LUZP1: variants seen among roughly 807,000 people sequenced by gnomAD.
LUZP1 encodes the protein filamin mechanobinding actin cross-linking protein.
Under a neutral mutation model 71.3 loss-of-function variants are expected in LUZP1, and 25 were observed. That is an observed-to-expected ratio of 0.35 (90% CI 0.26 to 0.49). The LOEUF is 0.49. Among genes scored for constraint, LUZP1 ranks in the 20% least tolerant of loss-of-function variants. LUZP1 has a pLI of 0.99. For missense variants in LUZP1, 1,142 were observed against 1,300.8 expected (o/e 0.88, Z 1.88); for synonymous variants, 481 against 506.4 (o/e 0.95, Z 0.67).
chr1:23,088,802 G>A, exon 5 of LUZP1: 1 of 1,500,942 alleles, frequency 6.7e-7, no homozygotes, highest in Non-Finnish European at 9.0e-7. Context: ...CTTGTGTCTT[G>A]CCTGGTTAAC....
At chr1:23,145,530 C>T (rs147992197) in intron 2 of LUZP1, among the ~76,000 whole-genome samples, 43 of 146,228 alleles carry the variant, frequency 2.9e-4, no homozygotes, top group Non-Finnish European at 5.8e-4. Flanking sequence ...AGTGCAATGG[C>T]GCAATCTCAG....
chr1:23,139,021 T>A (rs12755305), intron 2 of LUZP1, among the ~76,000 whole-genome samples: 8,254 of 52,078 alleles, frequency 0.16, 398 homozygotes, highest in Non-Finnish European at 0.19. Context: ...AAAAAAAAAA[T>A]ATATATATAT....
intron 2 of LUZP1, among the ~76,000 whole-genome samples, chr1:23,150,205 G>C (rs751033142): frequency 1.4e-4 from 22 of 151,976 alleles, no homozygotes; most frequent in Non-Finnish European, 2.9e-4. Context: ...TGTGGATCCT[G>C]GAAGTCATCA....
chr1:23,086,458 T>C (rs182031165), exon 5 of LUZP1: 1 of 152,632 alleles, frequency 6.6e-6, no homozygotes, highest in Non-Finnish European at 1.5e-5. Flanking sequence ...GCAGCAGATG[T>C]TGGTGCTGCT....
intron 1 of LUZP1, among the ~76,000 whole-genome samples, chr1:23,173,350 C>CTTTTTT (rs869169060): frequency 8.7e-5 from 7 of 80,368 alleles, no homozygotes; most frequent in Admixed American, 2.8e-4. Flanking sequence ...TTTGTTTTTT[C>CTTTTTT]TTTTTTTTTT....
At chr1:23,146,265 C>T (rs1644342203) in intron 2 of LUZP1, among the ~76,000 whole-genome samples, 1 of 152,192 alleles carries the variant, frequency 6.6e-6, no homozygotes, top group Admixed American at 6.5e-5. Context: ...ATCTGCCTGC[C>T]TCAGACACCC....
intron 2 of LUZP1, among the ~76,000 whole-genome samples, chr1:23,146,570 G>A (rs535925798): frequency 6.6e-6 from 1 of 152,236 alleles, no homozygotes; most frequent in South Asian, 2.1e-4. Context: ...GGCCAAGGTG[G>A]GAGGATCACT....
intron 2 of LUZP1, among the ~76,000 whole-genome samples, chr1:23,118,576 A>T (rs1279658526): frequency 1.3e-5 from 2 of 152,170 alleles, no homozygotes; most frequent in African/African-American, 4.8e-5. Context: ...AAACAGAAGA[A>T]TGTATGTGAA....
intron 1 of LUZP1, among the ~76,000 whole-genome samples, chr1:23,172,637 C>G (rs1159719068): frequency 1.3e-5 from 2 of 151,598 alleles, no homozygotes; most frequent in African/African-American, 2.4e-5. Flanking sequence ...GCTTCAGCCT[C>G]CCGAGTAGCC....
intron 2 of LUZP1, among the ~76,000 whole-genome samples, chr1:23,117,805 C>A (rs1444710418): frequency 6.6e-6 from 1 of 152,038 alleles, no homozygotes; most frequent in African/African-American, 2.4e-5. Flanking sequence ...TAAAAACAAA[C>A]AGGAGGCTGG....
At chr1:23,141,383 G>A (rs1004461000) in intron 2 of LUZP1, among the ~76,000 whole-genome samples, 1 of 152,174 alleles carries the variant, frequency 6.6e-6, no homozygotes, top group African/African-American at 2.4e-5. Flanking sequence ...CATGTTCAAG[G>A]GACCCAAGAA....
intron 2 of LUZP1, among the ~76,000 whole-genome samples, chr1:23,123,151 C>T (rs1644143333): frequency 6.6e-6 from 1 of 152,058 alleles, no homozygotes; most frequent in Non-Finnish European, 1.5e-5. Flanking sequence ...AGCCATCAAG[C>T]GTGTTCTAGA....
exon 4 of LUZP1, chr1:23,092,890 C>T (rs477830): frequency 0.8 from 1,292,760 of 1,612,884 alleles, 524,619 homozygotes; most frequent in Non-Finnish European, 0.84. Context: ...TGGGAGGAGC[C>T]GGGTACAAAC....
At chr1:23,166,626 G>T (rs896211184) in intron 2 of LUZP1, among the ~76,000 whole-genome samples, 7 of 127,644 alleles carry the variant, frequency 5.5e-5, no homozygotes, top group African/African-American at 2.2e-4. Context: ...CTGCACTACA[G>T]CCTGGGTGAC....
chr1:23,089,870 C>T (rs544586301), intron 4 of LUZP1, among the ~76,000 whole-genome samples: 10 of 152,236 alleles, frequency 6.6e-5, no homozygotes, highest in African/African-American at 2.4e-4. Flanking sequence ...AAGTGATTCT[C>T]CTGCCTCAGC....
intron 1 of LUZP1, among the ~76,000 whole-genome samples, chr1:23,169,897 T>G (rs1644539853): frequency 6.6e-6 from 1 of 152,094 alleles, no homozygotes; most frequent in Non-Finnish European, 1.5e-5. Flanking sequence ...TCTTGAGACA[T>G]CTCTTGTGTA....
At chr1:23,121,551 C>A (rs1473735636) in intron 2 of LUZP1, among the ~76,000 whole-genome samples, 1 of 152,110 alleles carries the variant, frequency 6.6e-6, no homozygotes, top group East Asian at 1.9e-4. Context: ...GACCTTGTCT[C>A]TATAAAAAAT....
At chr1:23,152,983 T>A (rs1644395682) in intron 2 of LUZP1, among the ~76,000 whole-genome samples, 1 of 152,182 alleles carries the variant, frequency 6.6e-6, no homozygotes, top group South Asian at 2.1e-4. Flanking sequence ...TGCAGCATAA[T>A]TTTATTTCTT....
At chr1:23,158,818 T>A (rs1644441364) in intron 2 of LUZP1, among the ~76,000 whole-genome samples, 1 of 149,870 alleles carries the variant, frequency 6.7e-6, no homozygotes, top group Non-Finnish European at 1.5e-5. Context: ...AATACAAAAA[T>A]TCACCAGCTG....
Sources: gnomAD v4.1 joint callset for allele counts (sites outside exome capture counted in the v4.1 genomes callset) on GRCh38, gnomAD v4.1.1 for gene constraint, MANE v1.5 for transcripts, NCBI Gene and HGNC (gene_info 2026-07-23, HGNC 2026-07-21) for gene names.